Variants in PTPN22 observed in about 807,000 individuals in gnomAD.
PTPN22 encodes tyrosine-protein phosphatase non-receptor type 22.
A neutral mutation model predicts 103.3 loss-of-function variants in PTPN22; 85 were observed. That is an observed-to-expected ratio of 0.82 (90% CI 0.69 to 0.99). PTPN22 has a LOEUF of 0.99. Among genes scored for constraint, PTPN22 ranks in the 50% least tolerant of loss-of-function variants. The pLI is 0.00. For synonymous variants in PTPN22, 323 were observed against 310.2 expected (o/e 1.04, Z -0.43); for missense variants, 865 against 936.9 (o/e 0.92, Z 1.00).
intron 11 of PTPN22, among the ~76,000 whole-genome samples, chr1:113,845,359 C>T (rs1286226875): frequency 1.3e-5 from 2 of 151,834 alleles, no homozygotes; most frequent in African/African-American, 4.8e-5. Flanking sequence ...CCCACCACCA[C>T]ACCTGGCTAA....
Position 113,855,009 on chromosome 1 carries a change from G to A in PTPN22, c.581C>T (p.Pro194Leu). 5 of 1,609,716 alleles carry A rather than the reference G, an allele frequency of 3.1e-6. No homozygotes were observed. The highest frequency in any genetic ancestry group is 4.3e-6 in the Non-Finnish European group (5 of 1,175,994). ...TATAGATGAAGGTACATCATGGTCTGGCCAATTCTTGTAATGAAACTGGTA... is the reference window on the plus strand; with the variant it reads ...TATAGATGAAGGTACATCATGGTCTAGCCAATTCTTGTAATGAAACTGGTA... The change falls in exon 8 of 21, where the codon CCA (proline) becomes CTA (leucine). Residue 194 changes from proline (P) to leucine (L), a missense_variant. This residue lies in a region of PTPN22 where 457 missense variants were observed against 529.1 expected (regional missense o/e 0.86). Transcript: ENST00000359785.
At chr1:113,833,065 C>G (rs755810309) in intron 16 of PTPN22, 46 bp downstream of exon 16, 2 of 1,520,264 alleles carry the variant, frequency 1.3e-6, no homozygotes, top group Non-Finnish European at 1.8e-6. Context: ...AACCATTCTT[C>G]CAATCTTAGG....
chr1:113,859,868 CTT>C (rs923820757), intron 1 of PTPN22, among the ~76,000 whole-genome samples: 1 of 150,662 alleles, frequency 6.6e-6, no homozygotes, highest in African/African-American at 2.4e-5. Flanking sequence ...CTTCAGATCG[CTT>C]TTTTTTCTAA....
intron 18 of PTPN22, among the ~76,000 whole-genome samples, chr1:113,826,659 A>ATTTTTTT (rs10563752): frequency 1.6e-5 from 1 of 63,110 alleles, no homozygotes; most frequent in Non-Finnish European, 2.8e-5. Context: ...GGAGTCTCTA[A>ATTTTTTT]TTTTTTTTTT....
chr1:113,854,907 C>A (rs1664911125), exon 8 of PTPN22: 1 of 1,613,068 alleles, frequency 6.2e-7, no homozygotes, highest in Non-Finnish European at 8.5e-7. Context: ...AGTGTCATAC[C>A]TGCAGTGAAT....
chr1:113,820,969 T>C (rs955059048), intron 19 of PTPN22, among the ~76,000 whole-genome samples: 3 of 150,688 alleles, frequency 2.0e-5, no homozygotes, highest in Non-Finnish European at 4.4e-5. Flanking sequence ...ATTACTATAG[T>C]AAGTATAATT....
In PTPN22 at chr1:113,856,422, G is replaced by A. The variant is rs765830754; in HGVS notation, c.500C>T (p.Ser167Phe). The A allele has an allele frequency of 5.0e-6, 8 of 1,594,122 alleles. No homozygotes were observed. The East Asian group carries it at 1.8e-4, about 36-fold the overall frequency. ...TTTTAGAGTCCTGATTATATAATCA[G>A]ATTTCCTTTTTTCAGCTTCCTAAAA... The change falls in exon 7 of 21, where the codon TCT (serine) becomes TTT (phenylalanine). Residue 167 changes from serine (S) to phenylalanine (F), a missense_variant. Physicochemically the swap from Ser to Phe is radical, Grantham distance 155. This residue lies in a region of PTPN22 where 457 missense variants were observed against 529.1 expected (regional missense o/e 0.86). Coordinates refer to ENST00000359785, the Ensembl canonical transcript of PTPN22.
At position 113,837,660 on chromosome 1, in the gene PTPN22, T is replaced by C. The variant is rs1272847826; in HGVS notation, c.1740A>G (p.Ser580=). Residue 580 remains serine (S), a synonymous_variant, in exon 13 of 21, where the codon TCA becomes TCG. Coordinates refer to ENST00000359785, the Ensembl canonical transcript of PTPN22. ...GAGAATTCAGTGATAAAGAATCATG[T>C]GAATTGTAATAAGAGAAGAGGGATG... 2.5e-6 allele frequency: 4 copies of C among 1,605,116 alleles called. No homozygotes were observed. The Admixed American group carries it at 6.7e-5, about 27-fold the overall frequency.
At chr1:113,868,994 C>T (rs540661690) in intron 1 of PTPN22, among the ~76,000 whole-genome samples, 67 of 152,076 alleles carry the variant, frequency 4.4e-4, no homozygotes, top group African/African-American at 1.4e-3. Flanking sequence ...GAGGCTGAGG[C>T]GAGTGGATTA....
intron 10 of PTPN22, among the ~76,000 whole-genome samples, chr1:113,850,090 G>T (rs1234352178): frequency 6.6e-6 from 1 of 152,046 alleles, no homozygotes; most frequent in African/African-American, 2.4e-5. Flanking sequence ...CCACCTACTC[G>T]GGAGGCTGAG....
Position 113,815,117 on chromosome 1 carries a change from A to G in PTPN22, c.2360-148T>C, listed in dbSNP as rs116161463. 334 of 606,582 alleles carry G rather than the reference A, an allele frequency of 5.5e-4. 2 individuals carry two copies. The African/African-American group carries it at 5.5e-3, about 10-fold the overall frequency. 37.6% of individuals were successfully genotyped at this position (606,582 alleles called of 1,614,324 possible). On this transcript the variant is annotated intron_variant, in intron 20 of 20. Coordinates refer to ENST00000359785, the Ensembl canonical transcript of PTPN22. ...ATCTTGACCAGTTTAGTAATAGATTATAAAGGGATTGTAGTAATCTAAAGC... is the reference window on the plus strand; with the variant it reads ...ATCTTGACCAGTTTAGTAATAGATTGTAAAGGGATTGTAGTAATCTAAAGC...
At position 113,855,185 on chromosome 1, in the gene PTPN22, T is replaced by A. The variant is rs1021321911; in HGVS notation, c.541-136A>T. On this transcript the variant is annotated intron_variant, in intron 7 of 20. Coordinates refer to ENST00000359785, the Ensembl canonical transcript of PTPN22. ...ACAAACCTGCACATTTACGCCCTTG[T>A]GTCTTATATTCATAAGATTAAAGTT... 14 of 718,818 alleles carry A rather than the reference T, an allele frequency of 1.9e-5. No homozygotes were observed. In the African/African-American group the frequency reaches 2.3e-4, roughly 12 times the overall value. 44.5% of individuals were successfully genotyped at this position (718,818 alleles called of 1,614,324 possible).
rs771578024 is a variant in PTPN22, at chr1:113,837,567, G to T, written c.1810+23C>A. The T allele has an allele frequency of 2.7e-6, 4 of 1,467,970 alleles. No individual in the cohort carries two copies. In the Admixed American group the frequency reaches 8.3e-5, roughly 30 times the overall value. 90.9% of individuals were successfully genotyped at this position (1,467,970 alleles called of 1,614,324 possible). ...AACAAAATGAAATCTAAAATTCTAT[G>T]CAAACTTTAAAAAATAACTTACCTA... On this transcript the variant is annotated intron_variant, in intron 13 of 20. Transcript: ENST00000359785.
intron 14 of PTPN22, among the ~76,000 whole-genome samples, 180 bp downstream of exon 14, chr1:113,834,730 A>T (rs79608028): frequency 6.8e-6 from 1 of 146,390 alleles, no homozygotes; most frequent in East Asian, 2.0e-4. Context: ...CTGCTAAATT[A>T]AAAAAAAAAA....
In PTPN22 at chr1:113,815,819, C is replaced by T. The variant is rs1361190026; in HGVS notation, c.2360-850G>A. On this transcript the variant is annotated intron_variant, in intron 20 of 20. Coordinates refer to ENST00000359785, the Ensembl canonical transcript of PTPN22. ...TCAGCCTCCTGAGTAGCTGGGATTACAGGCGCCAGCCAACATGCCTGGGTA... is the reference window on the plus strand; with the variant it reads ...TCAGCCTCCTGAGTAGCTGGGATTATAGGCGCCAGCCAACATGCCTGGGTA... Among the ~76,000 whole-genome samples, 5 of 152,182 alleles carry T rather than the reference C, an allele frequency of 3.3e-5. No homozygotes were observed. In the East Asian group the frequency reaches 9.7e-4, roughly 29 times the overall value.
chr1:113,851,865 T>C (rs542614639), intron 10 of PTPN22, among the ~76,000 whole-genome samples, 162 bp downstream of exon 10: 1 of 152,130 alleles, frequency 6.6e-6, no homozygotes, highest in Middle Eastern at 3.4e-3. Flanking sequence ...ACAGGAAAAA[T>C]ATTGGGATAT....
rs1332823108 is a variant in PTPN22 at position 113,838,632 on chromosome 1, A to G, written c.916-12T>C. ...TGCTTTGCTTGACTCTTTAAAAGAA[A>G]TAAGTCAGAGGCTGGTTTTCAGTGA... On this transcript the variant is annotated splice_polypyrimidine_tract_variant and intron_variant, in intron 11 of 20. Coordinates refer to ENST00000359785, the Ensembl canonical transcript of PTPN22. 4 of 1,610,340 alleles carry G rather than the reference A, an allele frequency of 2.5e-6. No homozygotes were observed. Among genetic ancestry groups the G allele is most frequent in the Non-Finnish European group, 3.4e-6 (4 of 1,178,356 alleles).
chr1:113,834,803 C>T (rs1662839172), intron 14 of PTPN22, 107 bp downstream of exon 14: 2 of 920,262 alleles, frequency 2.2e-6, no homozygotes, highest in African/African-American at 3.5e-5. Context: ...TCAATGAACT[C>T]CTCAAACTCA....
intron 1 of PTPN22, among the ~76,000 whole-genome samples, chr1:113,860,452 G>T (rs935572197): frequency 6.6e-6 from 1 of 152,152 alleles, no homozygotes; most frequent in Non-Finnish European, 1.5e-5. Flanking sequence ...TATATAAAGA[G>T]AGCCTACTGT....
Sources: gnomAD v4.1 joint callset for allele counts (sites outside exome capture counted in the v4.1 genomes callset) on GRCh38, gnomAD v4.1.1 for gene constraint, gnomAD v4.1.1 regional missense constraint, MANE v1.5 for transcripts, NCBI Gene and HGNC (gene_info 2026-07-23, HGNC 2026-07-21) for gene names.